MAGI2: variants seen among roughly 807,000 people sequenced by gnomAD.
MAGI2 encodes membrane associated guanylate kinase, WW and PDZ domain containing 2, also known as membrane-associated guanylate kinase, WW and PDZ domain-containing protein 2.
In MAGI2, 35 loss-of-function variants were observed where a neutral mutation model predicts 133.3. The observed-to-expected ratio is 0.26, with a 90% CI of 0.20 to 0.35. The LOEUF (loss-of-function observed/expected upper bound fraction) is 0.35, where lower values mean the gene tolerates loss of function less well. Ranked by LOEUF, MAGI2 falls within the 10% of genes least tolerant of loss-of-function variation. The probability of loss-of-function intolerance (pLI) is 1.00; values close to 1 mark genes in which losing one functional copy is unlikely to be tolerated. For missense variants in MAGI2, 1,636 were observed against 1,863.4 expected (o/e 0.88, Z 2.25); for synonymous variants, 729 against 710.6 (o/e 1.03, Z -0.41).
At chr7:78,886,006 G>A (rs1796232816) in intron 2 of MAGI2, among the ~76,000 whole-genome samples, 1 of 152,172 alleles carries the variant, frequency 6.6e-6, no homozygotes, top group South Asian at 2.1e-4. Context: ...CTGTAAGACA[G>A]CAAAAATACA....
intron 2 of MAGI2, among the ~76,000 whole-genome samples, chr7:78,938,968 A>T (rs1239931832): frequency 6.6e-6 from 1 of 152,134 alleles, no homozygotes; most frequent in East Asian, 1.9e-4. Flanking sequence ...TATGCAAAAC[A>T]TTCATTAAGA....
chr7:79,347,500 A>G (rs1841408388), intron 1 of MAGI2, among the ~76,000 whole-genome samples: 1 of 151,482 alleles, frequency 6.6e-6, no homozygotes, highest in Admixed American at 6.6e-5. Context: ...ACATTGAGAG[A>G]TCAGTTTTGC....
chr7:79,298,875 A>C (rs980952363), intron 1 of MAGI2, among the ~76,000 whole-genome samples: 1 of 152,178 alleles, frequency 6.6e-6, no homozygotes, highest in African/African-American at 2.4e-5. Flanking sequence ...GAAAAGACAG[A>C]TATCTACACG....
At chr7:78,814,614 TTG>T (rs148365585) in intron 2 of MAGI2, among the ~76,000 whole-genome samples, 3 of 151,720 alleles carry the variant, frequency 2.0e-5, no homozygotes, top group Admixed American at 6.6e-5. Context: ...TTTTATGTCT[TTG>T]TGTGTGTGTG....
intron 7 of MAGI2, among the ~76,000 whole-genome samples, chr7:78,360,009 A>C (rs1792605907): frequency 6.6e-6 from 1 of 152,226 alleles, no homozygotes; most frequent in Non-Finnish European, 1.5e-5. Flanking sequence ...ATTTTGAAAA[A>C]CATTCCCTGC....
chr7:79,243,454 G>A (rs370353908), intron 1 of MAGI2, among the ~76,000 whole-genome samples: 5 of 152,152 alleles, frequency 3.3e-5, no homozygotes, highest in East Asian at 3.9e-4. Context: ...TATAATAAGG[G>A]CCAAAGGCGA....
intron 2 of MAGI2, among the ~76,000 whole-genome samples, chr7:78,665,595 T>C (rs1009078634): frequency 1.3e-5 from 2 of 152,190 alleles, no homozygotes; most frequent in African/African-American, 4.8e-5. Context: ...ACTTGAAAAC[T>C]ATGCTGTTTG....
intron 2 of MAGI2, among the ~76,000 whole-genome samples, chr7:78,802,180 T>A (rs1563522668): frequency 6.6e-6 from 1 of 152,206 alleles, no homozygotes; most frequent in Non-Finnish European, 1.5e-5. Flanking sequence ...TAGATTTTCC[T>A]TGATCCACCA....
At chr7:78,942,732 G>A (rs1402945843) in intron 2 of MAGI2, among the ~76,000 whole-genome samples, 1 of 151,928 alleles carries the variant, frequency 6.6e-6, no homozygotes, top group Non-Finnish European at 1.5e-5. Flanking sequence ...AAACAGGAAA[G>A]TACTAAAATA....
At chr7:79,430,548 A>G (rs1388979028) in intron 1 of MAGI2, among the ~76,000 whole-genome samples, 1 of 152,166 alleles carries the variant, frequency 6.6e-6, no homozygotes, top group East Asian at 1.9e-4. Flanking sequence ...CTCCTTCTCA[A>G]TTGCCAGTTC....
intron 9 of MAGI2, among the ~76,000 whole-genome samples, chr7:78,308,345 T>C (rs1354768220): frequency 2.0e-5 from 3 of 152,186 alleles, no homozygotes; most frequent in Admixed American, 2.0e-4. Flanking sequence ...GAGACCAATG[T>C]ACAACAAGAC....
At chr7:78,496,509 C>T (rs567809660) in intron 5 of MAGI2, among the ~76,000 whole-genome samples, 4 of 152,278 alleles carry the variant, frequency 2.6e-5, no homozygotes, top group South Asian at 4.1e-4. Flanking sequence ...TTTTATGGAA[C>T]ATTTAGCCTC....
At chr7:78,085,550 CCA>C (rs10636313) in intron 20 of MAGI2, among the ~76,000 whole-genome samples, 1,953 of 120,860 alleles carry the variant, frequency 0.016, 33 homozygotes, top group African/African-American at 0.054. Context: ...AATAAAACTC[CCA>C]CACACACACA....
intron 1 of MAGI2, among the ~76,000 whole-genome samples, chr7:79,274,412 G>A (rs1270100901): frequency 2.0e-5 from 3 of 151,812 alleles, no homozygotes; most frequent in African/African-American, 7.3e-5. Context: ...AAATTTATTA[G>A]ATCATTATTT....
At chr7:79,372,578 A>G (rs1313173947) in intron 1 of MAGI2, among the ~76,000 whole-genome samples, 4 of 152,060 alleles carry the variant, frequency 2.6e-5, no homozygotes, top group Non-Finnish European at 4.4e-5. Flanking sequence ...TAGGTACTCA[A>G]AAAGTCCTTG....
chr7:79,148,708 T>G (rs1329505926), intron 1 of MAGI2, among the ~76,000 whole-genome samples: 1 of 151,870 alleles, frequency 6.6e-6, no homozygotes, highest in African/African-American at 2.4e-5. Context: ...AAAGAGGGTG[T>G]GTGAAGAAAA....
chr7:78,213,304 AG>A (rs1160395928), intron 10 of MAGI2, among the ~76,000 whole-genome samples: 1 of 152,190 alleles, frequency 6.6e-6, no homozygotes, highest in East Asian at 1.9e-4. Flanking sequence ...GCATCTTGAC[AG>A]GGTCCCCAGG....
Position 79,128,764 on chromosome 7 carries a change from A to C in MAGI2, c.302-121558T>G, listed in dbSNP as rs144958202. 4.5e-4 allele frequency among the ~76,000 whole-genome samples: 68 copies of C among 152,328 alleles called. 1 individual carries two copies. The East Asian group carries it at 0.013, about 29-fold the overall frequency. On this transcript the variant is annotated intron_variant, in intron 1 of 21. Coordinates refer to ENST00000354212, the MANE Select transcript of MAGI2 (RefSeq NM_012301.4). ...ACTCTGTGTTAGTCCAGATTCTCCTAACTTATGATGGGGTTACATCCCCAT... is the reference window on the plus strand; with the variant it reads ...ACTCTGTGTTAGTCCAGATTCTCCTCACTTATGATGGGGTTACATCCCCAT...
intron 1 of MAGI2, among the ~76,000 whole-genome samples, chr7:79,376,678 T>C (rs1318462124): frequency 6.6e-6 from 1 of 151,906 alleles, no homozygotes; most frequent in African/African-American, 2.4e-5. Flanking sequence ...TTCATCATGC[T>C]ACTCAGTACA....
Sources: allele counts gnomAD v4.1 joint callset (sites outside exome capture counted in the v4.1 genomes callset), GRCh38; gene constraint gnomAD v4.1.1; transcripts MANE v1.5; gene names NCBI Gene and HGNC (gene_info 2026-07-23, HGNC 2026-07-21).